KCNQ1: variants seen among roughly 807,000 people sequenced by gnomAD.
The protein encoded by KCNQ1 is potassium voltage-gated channel subfamily Q member 1, also known as potassium voltage-gated channel subfamily KQT member 1.
KCNQ1 carries 49 observed loss-of-function variants against 72.4 expected under a neutral mutation model. The observed-to-expected ratio is 0.68, with a 90% confidence interval of 0.54 to 0.86. KCNQ1 has a LOEUF of 0.86. Ranked by LOEUF, KCNQ1 falls within the 40% of genes least tolerant of loss-of-function variation. KCNQ1 has a pLI of 0.00. For missense variants in KCNQ1, 790 were observed against 945.1 expected (o/e 0.84, Z 2.15); for synonymous variants, 450 against 412.6 (o/e 1.09, Z -1.10).
At position 2,688,890 on chromosome 11, in the gene KCNQ1, G is replaced by A. The variant is rs1590033893; in HGVS notation, c.1514+26809G>A. 5 of 399,072 alleles carry A rather than the reference G, an allele frequency of 1.3e-5. No homozygotes were observed. In the South Asian group the frequency reaches 6.4e-4, roughly 51 times the overall value. 24.7% of individuals were successfully genotyped at this position (399,072 alleles called of 1,614,324 possible). ...GTCATGCAGCAAGGTCAGGTTGGAA[G>A]CTGAGGTGGGGCTAGGGCCACCCCA... On this transcript the variant is annotated intron_variant, in intron 11 of 15. Transcript: ENST00000155840.
At chr11:2,631,163 T>C (rs1849346291) in intron 10 of KCNQ1, 1 of 398,580 alleles carries the variant, frequency 2.5e-6, no homozygotes, top group African/African-American at 2.1e-5. Context: ...CCATTATTTC[T>C]CTGAATTAAC....
intron 1 of KCNQ1, among the ~76,000 whole-genome samples, chr11:2,518,184 T>C (rs113557514): frequency 1.6e-3 from 241 of 152,374 alleles, no homozygotes; most frequent in African/African-American, 5.6e-3. Flanking sequence ...GGGGAGCCCC[T>C]GCTCTGGTCG....
At chr11:2,502,754 T>C (rs930529370) in intron 1 of KCNQ1, among the ~76,000 whole-genome samples, 1 of 152,072 alleles carries the variant, frequency 6.6e-6, no homozygotes, top group Non-Finnish European at 1.5e-5. Context: ...AGAACAAAAC[T>C]GGAGGGAGCA....
At chr11:2,812,188 A>G (rs1370353574) in intron 15 of KCNQ1, among the ~76,000 whole-genome samples, 1 of 152,210 alleles carries the variant, frequency 6.6e-6, no homozygotes, top group Non-Finnish European at 1.5e-5. Flanking sequence ...GTTTCAAGGA[A>G]CAGAAACACC....
intron 2 of KCNQ1, among the ~76,000 whole-genome samples, chr11:2,530,583 G>A (rs144330017): frequency 3.2e-3 from 489 of 152,348 alleles, no homozygotes; most frequent in Middle Eastern, 0.01. Context: ...ACGCATGTGC[G>A]TGTTTATGGG....
In KCNQ1 at chr11:2,692,962, G is replaced by A. The variant is rs1421795290; in HGVS notation, c.1514+30881G>A. 5.8e-5 allele frequency: 23 copies of A among 398,514 alleles called. No homozygotes were observed. The Admixed American group carries it at 9.2e-4, about 16-fold the overall frequency. The allele number at this position is 398,514 out of a possible 1,614,324, so 24.7% of individuals were successfully genotyped here. On this transcript the variant is annotated intron_variant, in intron 11 of 15. Coordinates refer to ENST00000155840, the MANE Select transcript of KCNQ1 (RefSeq NM_000218.3). ...GTCCTGCCCATACGCTCAATAATGA[G>A]GCCCACTGAACTCTCCTGGTTTCCA...
chr11:2,662,187 C>A, intron 11 of KCNQ1, 106 bp downstream of exon 11: 1 of 1,490,786 alleles, frequency 6.7e-7, no homozygotes, highest in Non-Finnish European at 9.2e-7. Flanking sequence ...GTGCTATCTA[C>A]TCGCCTAGTG....
intron 2 of KCNQ1, among the ~76,000 whole-genome samples, chr11:2,531,903 G>A (rs752374575): frequency 7.9e-5 from 12 of 152,172 alleles, no homozygotes; most frequent in Non-Finnish European, 1.6e-4. Context: ...TCCCTGTGAC[G>A]TTTAGGCTAC....
chr11:2,504,575 G>A (rs1229082508), intron 1 of KCNQ1, among the ~76,000 whole-genome samples: 1 of 152,108 alleles, frequency 6.6e-6, no homozygotes, highest in Non-Finnish European at 1.5e-5. Context: ...GGCCAACATG[G>A]TGAAACCCCC....
At chr11:2,445,530 G>A (rs922139131) in intron 1 of KCNQ1, 46 bp downstream of exon 1, 19 of 1,572,938 alleles carry the variant, frequency 1.2e-5, no homozygotes, top group Non-Finnish European at 1.6e-5. Context: ...TGCTTCCTGA[G>A]AGCTGGTGTG....
intron 1 of KCNQ1, chr11:2,521,373 G>A: frequency 2.6e-6 from 1 of 384,952 alleles, no homozygotes; most frequent in South Asian, 1.9e-5. Context: ...GGCACTGTGT[G>A]TTATCCGGTG....
chr11:2,695,437 G>A lies in KCNQ1; in HGVS notation c.1514+33356G>A. 2.5e-6 allele frequency: 1 copy of A among 398,438 alleles called. No individual in the cohort carries two copies. The highest frequency in any genetic ancestry group is 1.3e-4 in the South Asian group (1 of 7,834). 24.7% of individuals were successfully genotyped at this position (398,438 alleles called of 1,614,324 possible). On this transcript the variant is annotated intron_variant, in intron 11 of 15. Transcript: ENST00000155840. This position sits in a 1 kb window ranked among gnomAD's most constrained non-coding sequence, Gnocchi z 5.2. ...TGTACTGAGGCCCTCTTTCTGTTTG[G>A]CATTTGTGTCACTCAGCACTGTGTT...
chr11:2,783,335 A>G lies in KCNQ1; in HGVS notation c.1794+5298A>G, dbSNP rs969705652. 6.6e-6 allele frequency among the ~76,000 whole-genome samples: 1 copy of G among 152,118 alleles called. No homozygotes were observed. Among genetic ancestry groups the G allele is most frequent in the Non-Finnish European group, 1.5e-5 (1 of 67,952 alleles). On this transcript the variant is annotated intron_variant, in intron 15 of 15. Coordinates refer to ENST00000155840, the MANE Select transcript of KCNQ1 (RefSeq NM_000218.3). This position sits in a 1 kb window ranked among gnomAD's most constrained non-coding sequence, Gnocchi z 5.2. ...GCAATCCATATGATATTAATCCTTTAGAATGTTTTGAAATATGATTTACGG... is the reference window on the plus strand; with the variant it reads ...GCAATCCATATGATATTAATCCTTTGGAATGTTTTGAAATATGATTTACGG...
intron 11 of KCNQ1, among the ~76,000 whole-genome samples, chr11:2,756,694 C>T (rs1045930953): frequency 1.5e-4 from 23 of 151,848 alleles, no homozygotes; most frequent in African/African-American, 4.6e-4. Context: ...CAAAGCAATC[C>T]GCCCACCTTG....
rs1021719739 is a variant in KCNQ1 at position 2,711,713 on chromosome 11, A to G, written c.1514+49632A>G. ...TGCTTAAACTAAGTGAGGTATCTTA[A>G]GGCTTTACCACCAGGGAAATAGAAC... On this transcript the variant is annotated intron_variant, in intron 11 of 15. Coordinates refer to ENST00000155840, the MANE Select transcript of KCNQ1 (RefSeq NM_000218.3). The surrounding 1 kb of genome is among the most constrained non-coding windows in gnomAD (Gnocchi z 5.4). Among the ~76,000 whole-genome samples the G allele has an allele frequency of 4.6e-5, 7 of 152,204 alleles. No homozygotes were observed. Among genetic ancestry groups the G allele is most frequent in the Admixed American group, 4.6e-4 (7 of 15,278 alleles).
At chr11:2,744,821 T>C (rs532098502) in intron 11 of KCNQ1, among the ~76,000 whole-genome samples, 2 of 152,202 alleles carry the variant, frequency 1.3e-5, no homozygotes, top group Non-Finnish European at 2.9e-5. Flanking sequence ...CAGGTGCACC[T>C]TTGCATTCGG....
intron 15 of KCNQ1, among the ~76,000 whole-genome samples, chr11:2,796,554 C>T (rs941835055): frequency 6.6e-5 from 10 of 152,224 alleles, no homozygotes; most frequent in African/African-American, 1.4e-4. Flanking sequence ...TCTCACACCC[C>T]GACACACCCT....
chr11:2,682,785 C>G lies in KCNQ1; in HGVS notation c.1514+20704C>G, dbSNP rs762399173. 1 of 398,624 alleles carries G rather than the reference C, an allele frequency of 2.5e-6. No individual in the cohort carries two copies. The highest frequency in any genetic ancestry group is 4.4e-6 in the Non-Finnish European group (1 of 226,084). 24.7% of individuals were successfully genotyped at this position (398,624 alleles called of 1,614,324 possible). A position where few individuals can be genotyped will look rare whatever the true frequency, so the allele number is the denominator to read the frequency against. On this transcript the variant is annotated intron_variant, in intron 11 of 15. Coordinates refer to ENST00000155840, the MANE Select transcript of KCNQ1 (RefSeq NM_000218.3). This position sits in a 1 kb window ranked among gnomAD's most constrained non-coding sequence, Gnocchi z 5.8. Reference sequence around the variant, plus strand: ...TTCTAGAAATGCAGGGAAATCTGGGCACCATGAAATGCAGTGACTTGCAGT... The same window carrying G: ...TTCTAGAAATGCAGGGAAATCTGGGGACCATGAAATGCAGTGACTTGCAGT...
chr11:2,535,579 G>C (rs1464772784), intron 2 of KCNQ1, among the ~76,000 whole-genome samples: 2 of 152,090 alleles, frequency 1.3e-5, no homozygotes, highest in Non-Finnish European at 2.9e-5. Flanking sequence ...CATCCACCAG[G>C]AGCTCCTGGT....
Sources: gnomAD v4.1 joint callset for allele counts (sites outside exome capture counted in the v4.1 genomes callset) on GRCh38, gnomAD v4.1.1 for gene constraint, Gnocchi (gnomAD v3.1) non-coding constraint, MANE v1.5 for transcripts, NCBI Gene and HGNC (gene_info 2026-07-23, HGNC 2026-07-21) for gene names.